Variants in DLG2 observed in about 807,000 individuals in gnomAD.
DLG2 encodes the protein discs large MAGUK scaffold protein 2.
Under a neutral mutation model 132.5 loss-of-function variants are expected in DLG2, and 45 were observed. The observed-to-expected ratio is 0.34, with a 90% CI of 0.27 to 0.44. The LOEUF (loss-of-function observed/expected upper bound fraction) is 0.44, where lower values mean the gene tolerates loss of function less well. Ranked by LOEUF, DLG2 falls within the 20% of genes least tolerant of loss-of-function variation. The pLI is 1.00. For missense variants in DLG2, 1,045 were observed against 1,196.9 expected (o/e 0.87, Z 1.87); for synonymous variants, 424 against 419.6 (o/e 1.01, Z -0.13).
At chr11:85,526,147 C>G (rs1565635768) in intron 3 of DLG2, among the ~76,000 whole-genome samples, 1 of 152,148 alleles carries the variant, frequency 6.6e-6, no homozygotes, top group Non-Finnish European at 1.5e-5. Flanking sequence ...CTAACTGCTA[C>G]TCTAGTCTTG....
chr11:83,821,799 A>C (rs1232614903), intron 17 of DLG2, among the ~76,000 whole-genome samples: 2 of 152,216 alleles, frequency 1.3e-5, no homozygotes, highest in Non-Finnish European at 2.9e-5. Flanking sequence ...ATGTATATGA[A>C]TTGCTAAATA....
intron 4 of DLG2, among the ~76,000 whole-genome samples, chr11:85,199,040 G>C (rs1217814915): frequency 6.6e-6 from 1 of 152,012 alleles, no homozygotes; most frequent in Non-Finnish European, 1.5e-5. Flanking sequence ...CCTATTTTAG[G>C]ACCCCCAAAT....
intron 11 of DLG2, among the ~76,000 whole-genome samples, chr11:84,011,487 A>T (rs4433587): frequency 0.068 from 10,268 of 151,316 alleles, 378 homozygotes; most frequent in Middle Eastern, 0.095. Context: ...ATAAATAAAT[A>T]AATTAATTAA....
chr11:83,758,770 C>T (rs992796648), intron 18 of DLG2, among the ~76,000 whole-genome samples: 1 of 152,112 alleles, frequency 6.6e-6, no homozygotes, highest in Non-Finnish European at 1.5e-5. Context: ...ATCTTACTTT[C>T]TAGGCTGATC....
At chr11:84,896,366 G>A (rs2090185179) in intron 6 of DLG2, among the ~76,000 whole-genome samples, 3 of 152,044 alleles carry the variant, frequency 2.0e-5, no homozygotes, top group Admixed American at 2.0e-4. Flanking sequence ...AGATGTGGAT[G>A]CTTAAGTGCT....
intron 7 of DLG2, among the ~76,000 whole-genome samples, chr11:84,262,306 C>T (rs959090360): frequency 6.6e-6 from 1 of 152,124 alleles, no homozygotes; most frequent in Non-Finnish European, 1.5e-5. Flanking sequence ...TATTATTCCA[C>T]TGTACATTTC....
intron 21 of DLG2, among the ~76,000 whole-genome samples, chr11:83,489,999 A>G (rs1420233319): frequency 2.0e-5 from 3 of 152,018 alleles, no homozygotes; most frequent in African/African-American, 7.2e-5. Context: ...TTTCTTCTCT[A>G]TCCATTAAAG....
At chr11:83,918,643 G>C (rs1422936099) in intron 15 of DLG2, among the ~76,000 whole-genome samples, 1 of 152,076 alleles carries the variant, frequency 6.6e-6, no homozygotes, top group Non-Finnish European at 1.5e-5. Flanking sequence ...TGAAAATCAG[G>C]GCAGGGAACC....
At chr11:84,572,237 T>C (rs2154527908) in intron 6 of DLG2, among the ~76,000 whole-genome samples, 1 of 152,276 alleles carries the variant, frequency 6.6e-6, no homozygotes. Context: ...ATGTTGTAGA[T>C]TACAAAAATG....
At chr11:84,390,474 A>T (rs1351321318) in intron 7 of DLG2, among the ~76,000 whole-genome samples, 1 of 152,160 alleles carries the variant, frequency 6.6e-6, no homozygotes, top group Non-Finnish European at 1.5e-5. Flanking sequence ...ATCTAGAGTT[A>T]ATCCTGTAAA....
chr11:84,163,047 A>G (rs949551017), intron 9 of DLG2, among the ~76,000 whole-genome samples: 2 of 152,136 alleles, frequency 1.3e-5, no homozygotes, highest in Non-Finnish European at 2.9e-5. Flanking sequence ...TTTAAAATGC[A>G]CCACTTGTTT....
At chr11:84,737,740 C>A (rs1176802197) in intron 6 of DLG2, among the ~76,000 whole-genome samples, 1 of 151,904 alleles carries the variant, frequency 6.6e-6, no homozygotes, top group African/African-American at 2.4e-5. Flanking sequence ...ACTAGAGAAA[C>A]AGCACTGGAA....
At position 85,380,955 on chromosome 11, in the gene DLG2, G is replaced by A. The variant is rs185313177; in HGVS notation, c.41-95590C>T. 4.1e-4 allele frequency among the ~76,000 whole-genome samples: 63 copies of A among 152,176 alleles called. 2 individuals are homozygous for A. Among genetic ancestry groups the A allele is most frequent in the South Asian group, 2.7e-3 (13 of 4,808 alleles). On this transcript the variant is annotated intron_variant, in intron 3 of 27. Transcript: ENST00000376104. ...GGGAAAAATGTAAATGAGTAGCATCGGCTAAGAGTTACAGAAAAATCACAT... is the reference window on the plus strand; with the variant it reads ...GGGAAAAATGTAAATGAGTAGCATCAGCTAAGAGTTACAGAAAAATCACAT...
intron 6 of DLG2, among the ~76,000 whole-genome samples, chr11:84,794,288 C>G (rs914862256): frequency 6.6e-6 from 1 of 152,158 alleles, no homozygotes; most frequent in African/African-American, 2.4e-5. Context: ...GATTGTAACA[C>G]AAAGGATAAA....
At chr11:84,964,065 A>C (rs576886621) in intron 6 of DLG2, among the ~76,000 whole-genome samples, 188 of 152,276 alleles carry the variant, frequency 1.2e-3, no homozygotes, top group Non-Finnish European at 1.9e-3. Context: ...AATCACTCTT[A>C]GGAAACATGG....
At chr11:83,681,115 T>C (rs886265674) in intron 18 of DLG2, among the ~76,000 whole-genome samples, 1 of 152,160 alleles carries the variant, frequency 6.6e-6, no homozygotes, top group Non-Finnish European at 1.5e-5. Context: ...AAAAATGTCC[T>C]TGCTACTCCT....
rs573417414 is a variant in DLG2 at position 85,036,142 on chromosome 11, G to C, written c.357+75519C>G. 2.5e-3 allele frequency among the ~76,000 whole-genome samples: 381 copies of C among 152,192 alleles called. 1 individual carries two copies. Among genetic ancestry groups the C allele is most frequent in the Non-Finnish European group, 3.3e-3 (223 of 67,984 alleles). The stretch of plus-strand genomic sequence containing the variant: ...TCTCAAAATGTTATCCCTCTGCCTG[G>C]AATTTTCTTTTCCCTGATATCCACA... On this transcript the variant is annotated intron_variant, in intron 6 of 27. Transcript: ENST00000376104.
chr11:83,601,073 T>C (rs1393435659), intron 19 of DLG2, among the ~76,000 whole-genome samples: 17 of 152,236 alleles, frequency 1.1e-4, no homozygotes, highest in Admixed American at 1.1e-3. Flanking sequence ...CATGCAATGA[T>C]AGAGTAAGAT....
chr11:84,874,681 C>A (rs2086044019), intron 6 of DLG2, among the ~76,000 whole-genome samples: 1 of 151,910 alleles, frequency 6.6e-6, no homozygotes, highest in South Asian at 2.1e-4. Context: ...GAGATGATTC[C>A]TTGAATTAGA....
Sources: gnomAD v4.1 joint callset for allele counts (sites outside exome capture counted in the v4.1 genomes callset) on GRCh38, gnomAD v4.1.1 for gene constraint, MANE v1.5 for transcripts, NCBI Gene and HGNC (gene_info 2026-07-23, HGNC 2026-07-21) for gene names.